Variants in KLF7 observed in about 807,000 individuals in gnomAD.
KLF7 encodes Krueppel-like factor 7.
A neutral mutation model predicts 27.3 loss-of-function variants in KLF7; 2 were observed. That is an observed-to-expected ratio of 0.07 (90% CI 0.03 to 0.23). The LOEUF is 0.23. Ranked by LOEUF, KLF7 falls within the 10% of genes least tolerant of loss-of-function variation. KLF7 has a pLI of 1.00. For missense variants in KLF7, 221 were observed against 394.1 expected (o/e 0.56, Z 3.72); for synonymous variants, 165 against 162.4 (o/e 1.02, Z -0.12).
At chr2:207,108,206 C>T (rs1027284329) in intron 2 of KLF7, among the ~76,000 whole-genome samples, 3 of 152,218 alleles carry the variant, frequency 2.0e-5, no homozygotes, top group Non-Finnish European at 4.4e-5. Context: ...AAAATAAAAA[C>T]AAAAACAAAA....
In KLF7 at chr2:207,126,531, G is replaced by T. The variant is rs188170100; in HGVS notation, c.103-2127C>A. On this transcript the variant is annotated intron_variant, in intron 1 of 3. Coordinates refer to ENST00000309446, the MANE Select transcript of KLF7 (RefSeq NM_003709.4). Reference sequence around the variant, plus strand: ...AATACATATCTCTGGGAATACAATTGCAATGCTTCTTGAGCTTTGCCCAAA... The same window carrying T: ...AATACATATCTCTGGGAATACAATTTCAATGCTTCTTGAGCTTTGCCCAAA... Among the ~76,000 whole-genome samples the T allele has an allele frequency of 1.1e-4, 17 of 152,278 alleles. No individual in the cohort carries two copies. The East Asian group carries it at 3.3e-3, about 29-fold the overall frequency.
intron 2 of KLF7, among the ~76,000 whole-genome samples, chr2:207,099,265 G>A (rs1056558612): frequency 6.6e-6 from 1 of 151,864 alleles, no homozygotes; most frequent in African/African-American, 2.4e-5. Context: ...CTACTGGGGA[G>A]GCTTTTGGAA....
intron 2 of KLF7, among the ~76,000 whole-genome samples, chr2:207,119,828 T>G (rs369097470): frequency 3.9e-5 from 6 of 152,164 alleles, no homozygotes; most frequent in African/African-American, 1.4e-4. Flanking sequence ...CTCAGCCTCC[T>G]GAGTAGCTGG....
intron 1 of KLF7, among the ~76,000 whole-genome samples, chr2:207,148,121 A>T (rs1319122451): frequency 6.6e-6 from 1 of 152,206 alleles, no homozygotes; most frequent in African/African-American, 2.4e-5. Flanking sequence ...CAAGCATTTT[A>T]TGGCAACACT....
chr2:207,146,238 T>C (rs775413364), intron 1 of KLF7, among the ~76,000 whole-genome samples: 1 of 152,236 alleles, frequency 6.6e-6, no homozygotes, highest in African/African-American at 2.4e-5. Flanking sequence ...CTTCCTTCCA[T>C]TGAAGCTACC....
intron 2 of KLF7, among the ~76,000 whole-genome samples, chr2:207,120,398 G>A (rs537986902): frequency 6.6e-6 from 1 of 152,154 alleles, no homozygotes; most frequent in African/African-American, 2.4e-5. Flanking sequence ...ATGCATATGA[G>A]AGGAAGACAC....
At chr2:207,160,391 T>A (rs1209957535) in intron 1 of KLF7, among the ~76,000 whole-genome samples, 1 of 152,186 alleles carries the variant, frequency 6.6e-6, no homozygotes, top group Non-Finnish European at 1.5e-5. Flanking sequence ...ACACATAGGC[T>A]AACTGATATA....
chr2:207,160,210 G>A (rs539853055), intron 1 of KLF7, among the ~76,000 whole-genome samples: 4 of 152,032 alleles, frequency 2.6e-5, no homozygotes, highest in Admixed American at 2.0e-4. Flanking sequence ...GGCATTTTGG[G>A]GTTAAAACAT....
intron 1 of KLF7, among the ~76,000 whole-genome samples, chr2:207,138,644 C>G (rs2077853709): frequency 6.6e-6 from 1 of 152,118 alleles, no homozygotes; most frequent in African/African-American, 2.4e-5. Context: ...ATTAAGAATT[C>G]TTTTTTGGCA....
chr2:207,097,243 C>A (rs1274555817), intron 2 of KLF7, among the ~76,000 whole-genome samples: 1 of 151,798 alleles, frequency 6.6e-6, no homozygotes, highest in Non-Finnish European at 1.5e-5. Flanking sequence ...TGGCTCTTAA[C>A]TGTGTGGGGA....
upstream of KLF7, among the ~76,000 whole-genome samples, chr2:207,171,733 TTTC>T (rs1193229368): frequency 6.6e-6 from 1 of 152,240 alleles, no homozygotes. Context: ...TACATTGTTT[TTTC>T]TTAGACACAA....
chr2:207,083,226 G>A (rs147869045), intron 3 of KLF7, among the ~76,000 whole-genome samples: 8 of 152,246 alleles, frequency 5.3e-5, no homozygotes, highest in East Asian at 3.9e-4. Context: ...GGAATTTAGC[G>A]TCTAACTGGC....
At chr2:207,136,746 G>T (rs935924636) in intron 1 of KLF7, among the ~76,000 whole-genome samples, 1 of 152,160 alleles carries the variant, frequency 6.6e-6, no homozygotes, top group Non-Finnish European at 1.5e-5. Context: ...CATACTAGTT[G>T]AATCAATCAG....
At chr2:207,102,172 C>A (rs527485079) in intron 2 of KLF7, among the ~76,000 whole-genome samples, 2 of 151,746 alleles carry the variant, frequency 1.3e-5, no homozygotes, top group South Asian at 2.1e-4. Flanking sequence ...TGCCCTCCCC[C>A]CCAATCTGCA....
intron 2 of KLF7, among the ~76,000 whole-genome samples, chr2:207,111,647 G>GATT (rs1385641718): frequency 1.2e-3 from 180 of 152,276 alleles, no homozygotes; most frequent in African/African-American, 3.9e-3. Context: ...GCAACTCCAT[G>GATT]GAATACCTCC....
intron 2 of KLF7, among the ~76,000 whole-genome samples, chr2:207,105,776 C>T (rs1436392559): frequency 6.6e-6 from 1 of 152,122 alleles, no homozygotes; most frequent in African/African-American, 2.4e-5. Flanking sequence ...TCTGCAGGGA[C>T]TGAGAGAACA....
At chr2:207,101,420 G>C (rs556249970) in intron 2 of KLF7, among the ~76,000 whole-genome samples, 1 of 152,194 alleles carries the variant, frequency 6.6e-6, no homozygotes, top group Non-Finnish European at 1.5e-5. Flanking sequence ...ATTAGAGCAG[G>C]TGTCCCAGAG....
At chr2:207,088,651 C>CT (rs2076443688) in intron 2 of KLF7, 70 bp from the exon 3 acceptor site, 1 of 1,541,824 alleles carries the variant, frequency 6.5e-7, no homozygotes, top group Non-Finnish European at 8.8e-7. Flanking sequence ...CCAGCCTGTG[C>CT]TGCCTGCTGG....
intron 1 of KLF7, among the ~76,000 whole-genome samples, chr2:207,144,960 C>T (rs1318810906): frequency 6.6e-6 from 1 of 152,186 alleles, no homozygotes; most frequent in Non-Finnish European, 1.5e-5. Flanking sequence ...TCCCCTTTAG[C>T]CACATACCAA....
Sources: gnomAD v4.1 joint callset for allele counts (sites outside exome capture counted in the v4.1 genomes callset) on GRCh38, gnomAD v4.1.1 for gene constraint, MANE v1.5 for transcripts, NCBI Gene and HGNC (gene_info 2026-07-23, HGNC 2026-07-21) for gene names.